Variants in MYT1L observed in about 807,000 individuals in gnomAD.
MYT1L encodes the protein myelin transcription factor 1-like protein.
MYT1L carries 12 observed loss-of-function variants against 126.7 expected under a neutral mutation model. The ratio of observed to expected loss-of-function variants is 0.09; its 90% CI spans 0.06 to 0.15. MYT1L has a LOEUF of 0.15. Among genes scored for constraint, MYT1L ranks in the 10% least tolerant of loss-of-function variants. The probability of loss-of-function intolerance (pLI) is 1.00; values close to 1 mark genes in which losing one functional copy is unlikely to be tolerated. For synonymous variants in MYT1L, 541 were observed against 604.2 expected, an observed-to-expected ratio of 0.90 and a Z score of 1.53; for missense variants, 979 against 1,585.2, an observed-to-expected ratio of 0.62 and a Z score of 6.49.
At chr2:2,274,703 A>G (rs905906376) in intron 2 of MYT1L, among the ~76,000 whole-genome samples, 5 of 152,364 alleles carry the variant, frequency 3.3e-5, no homozygotes, top group South Asian at 4.1e-4. Flanking sequence ...TATGTTTCTA[A>G]TAACATCACT....
Position 2,279,556 on chromosome 2 carries a change from GGAATGAAT to G in MYT1L, c.-421+4840_-421+4847del, listed in dbSNP as rs374691207. On this transcript the variant is annotated intron_variant, in intron 2 of 24. Transcript: ENST00000647738. Reference sequence around the variant, plus strand: ...AGGAAGGAGAGAGAGAAAGAGAGAAGGAATGAATGAATGAAGGAAGGAAGGAAGGAAGG... The same window carrying G: ...AGGAAGGAGAGAGAGAAAGAGAGAAGGAATGAAGGAAGGAAGGAAGGAAGG... Among the ~76,000 whole-genome samples the G allele has an allele frequency of 3.6e-3, 432 of 119,732 alleles. 5 individuals are homozygous for G. Among genetic ancestry groups the G allele is most frequent in the African/African-American group, 0.013 (414 of 32,336 alleles). 78.5% of individuals were successfully genotyped at this position (119,732 alleles called of 152,430 possible). A position where few individuals can be genotyped will look rare whatever the true frequency, so the allele number is the denominator to read the frequency against.
intron 3 of MYT1L, among the ~76,000 whole-genome samples, chr2:2,123,443 G>C (rs1217376780): frequency 6.6e-6 from 1 of 152,164 alleles, no homozygotes; most frequent in African/African-American, 2.4e-5. Context: ...GTCATGCCAA[G>C]TGTTGGAGGA....
chr2:1,913,199 T>C (rs1306670986), intron 11 of MYT1L, among the ~76,000 whole-genome samples: 1 of 152,206 alleles, frequency 6.6e-6, no homozygotes, highest in Non-Finnish European at 1.5e-5. Flanking sequence ...CCACATGGTG[T>C]TGCTGTTATC....
intron 9 of MYT1L, among the ~76,000 whole-genome samples, chr2:1,933,526 G>A (rs763303405): frequency 6.6e-6 from 1 of 152,214 alleles, no homozygotes; most frequent in Non-Finnish European, 1.5e-5. Context: ...AAAGAAAGAG[G>A]AACCCAGTGG....
intron 8 of MYT1L, among the ~76,000 whole-genome samples, chr2:1,947,903 C>T (rs115704870): frequency 6.6e-6 from 1 of 151,982 alleles, no homozygotes; most frequent in Non-Finnish European, 1.5e-5. Context: ...ACAGCCTGAG[C>T]GTATCCAGGG....
At chr2:2,145,302 G>A (rs918494125) in intron 3 of MYT1L, among the ~76,000 whole-genome samples, 26 of 152,178 alleles carry the variant, frequency 1.7e-4, no homozygotes, top group Admixed American at 1.5e-3. Context: ...TAGAAGTGCC[G>A]CTGAATTTGT....
intron 4 of MYT1L, among the ~76,000 whole-genome samples, chr2:1,997,911 C>T (rs2062011498): frequency 6.6e-6 from 1 of 152,196 alleles, no homozygotes; most frequent in Non-Finnish European, 1.5e-5. Context: ...ATCAATTGAA[C>T]TTTATGTGAA....
chr2:1,897,678 A>T (rs2049785615), intron 14 of MYT1L, among the ~76,000 whole-genome samples: 1 of 151,988 alleles, frequency 6.6e-6, no homozygotes, highest in Non-Finnish European at 1.5e-5. Flanking sequence ...GGCCAGGCTG[A>T]TCTCAAACTC....
intron 11 of MYT1L, among the ~76,000 whole-genome samples, chr2:1,916,520 G>A (rs1392281283): frequency 6.6e-6 from 1 of 152,136 alleles, no homozygotes; most frequent in Non-Finnish European, 1.5e-5. Flanking sequence ...TACTTTATGT[G>A]CTGAAAGGAT....
At chr2:1,854,567 C>G (rs1467651417) in intron 18 of MYT1L, among the ~76,000 whole-genome samples, 1 of 152,100 alleles carries the variant, frequency 6.6e-6, no homozygotes, top group Non-Finnish European at 1.5e-5. Flanking sequence ...TTTAAAATGT[C>G]CTTTTTCATC....
intron 3 of MYT1L, among the ~76,000 whole-genome samples, chr2:2,102,797 A>G (rs753744527): frequency 8.5e-5 from 13 of 152,096 alleles, no homozygotes; most frequent in African/African-American, 2.2e-4. Flanking sequence ...TCTCATCCCT[A>G]TCTGGTCTCT....
chr2:1,976,343 T>TA (rs972707640), intron 8 of MYT1L, among the ~76,000 whole-genome samples: 31 of 151,988 alleles, frequency 2.0e-4, no homozygotes, highest in Admixed American at 1.3e-3. Flanking sequence ...TCAAAACCAG[T>TA]AAAAAAACAA....
intron 1 of MYT1L, among the ~76,000 whole-genome samples, chr2:2,320,891 C>G (rs1427491515): frequency 6.6e-6 from 1 of 152,180 alleles, no homozygotes; most frequent in East Asian, 1.9e-4. Flanking sequence ...TTCCCCCTCG[C>G]TCCTGCAACT....
chr2:2,004,272 G>A (rs113085962), intron 4 of MYT1L, among the ~76,000 whole-genome samples: 2 of 36,770 alleles, frequency 5.4e-5, no homozygotes, highest in African/African-American at 1.2e-4. Flanking sequence ...CTTTCCTGCA[G>A]GCGTTCTTTC....
chr2:2,283,150 G>A (rs115625168), intron 2 of MYT1L, among the ~76,000 whole-genome samples: 196 of 152,228 alleles, frequency 1.3e-3, no homozygotes, highest in Non-Finnish European at 2.4e-3. Context: ...AAGAACAAAC[G>A]GCACAGTTTG....
At chr2:1,849,065 T>C (rs1348957961) in intron 19 of MYT1L, among the ~76,000 whole-genome samples, 7 of 151,974 alleles carry the variant, frequency 4.6e-5, no homozygotes. Flanking sequence ...GTTTGTGCTA[T>C]ATTAAGACTT....
intron 4 of MYT1L, among the ~76,000 whole-genome samples, chr2:2,017,792 G>A (rs997996376): frequency 3.9e-5 from 6 of 152,076 alleles, no homozygotes; most frequent in African/African-American, 1.4e-4. Flanking sequence ...GATGCTATGT[G>A]TTCACTGTCT....
chr2:1,792,357 C>G lies in MYT1L; in HGVS notation c.3384G>C (p.Leu1128=), dbSNP rs1344448356. 6 of 1,608,302 alleles carry G rather than the reference C, an allele frequency of 3.7e-6. No individual in the cohort carries two copies. The highest frequency in any genetic ancestry group is 3.3e-4 in the Middle Eastern group (2 of 6,050). The change falls in exon 24 of 25, where the codon CTG becomes CTC. Residue 1128 remains leucine (L), a synonymous_variant. Coordinates refer to ENST00000647738, the MANE Select transcript of MYT1L (RefSeq NM_001303052.2). ...GCTGGATGTTAGCCAGGCTGTGGATCAGAGACTGGCTCAGGTTCGCCAGCT... is the reference window on the plus strand; with the variant it reads ...GCTGGATGTTAGCCAGGCTGTGGATGAGAGACTGGCTCAGGTTCGCCAGCT... The part of the protein sequence containing the change: ...LHELANLSQS[L]IHSLANIQLP...
chr2:2,058,057 C>G (rs1558877728), intron 3 of MYT1L, among the ~76,000 whole-genome samples: 1 of 152,188 alleles, frequency 6.6e-6, no homozygotes, highest in East Asian at 1.9e-4. Context: ...TTGCCTCGAT[C>G]AATGTACCAG....
Sources: gnomAD v4.1 joint callset for allele counts (sites outside exome capture counted in the v4.1 genomes callset) on GRCh38, gnomAD v4.1.1 for gene constraint, MANE v1.5 for transcripts, NCBI Gene and HGNC (gene_info 2026-07-23, HGNC 2026-07-21) for gene names.